Variants in IL15 observed in about 807,000 individuals in gnomAD.
IL15 encodes the protein interleukin-15.
In IL15, 11 loss-of-function variants were observed where a neutral mutation model predicts 19.6. The observed-to-expected ratio is 0.56, with a 90% CI of 0.35 to 0.93. The LOEUF (loss-of-function observed/expected upper bound fraction) is 0.93, where lower values mean the gene tolerates loss of function less well. IL15 is among the 40% of genes least tolerant of loss of function. The pLI is 0.01. For synonymous variants in IL15, 58 were observed against 59.6 expected (o/e 0.97, Z 0.12); for missense variants, 197 against 186.5 (o/e 1.06, Z -0.33).
At chr4:141,675,918 A>G (rs1424223730) in intron 2 of IL15, among the ~76,000 whole-genome samples, 1 of 152,200 alleles carries the variant, frequency 6.6e-6, no homozygotes, top group African/African-American at 2.4e-5. Flanking sequence ...GAGACAGCAT[A>G]CTAGTTTCCT....
intron 2 of IL15, among the ~76,000 whole-genome samples, chr4:141,702,621 C>G (rs1464063546): frequency 6.6e-6 from 1 of 152,206 alleles, no homozygotes; most frequent in Non-Finnish European, 1.5e-5. Flanking sequence ...GATCCCACAG[C>G]TGTTTTCTCC....
chr4:141,722,132 GATCTT>G, intron 5 of IL15, 124 bp downstream of exon 5: 1 of 1,231,578 alleles, frequency 8.1e-7, no homozygotes, highest in Non-Finnish European at 1.1e-6. Context: ...AGAAATTTAT[GATCTT>G]ATAAAGCTCA....
intron 1 of IL15, among the ~76,000 whole-genome samples, chr4:141,646,912 G>A (rs955763359): frequency 1.3e-5 from 2 of 151,964 alleles, no homozygotes; most frequent in Non-Finnish European, 2.9e-5. Context: ...ATTAGTGCTA[G>A]GCATATGGTA....
At chr4:141,706,760 G>A (rs1729530134) in intron 2 of IL15, among the ~76,000 whole-genome samples, 1 of 151,146 alleles carries the variant, frequency 6.6e-6, no homozygotes, top group Admixed American at 6.6e-5. Flanking sequence ...TTCTCTCCTA[G>A]TCTGCTGAAA....
At position 141,667,310 on chromosome 4, in the gene IL15, A is replaced by G. The variant is rs115717138; in HGVS notation, c.-100+11003A>G. 6.3e-3 allele frequency among the ~76,000 whole-genome samples: 967 copies of G among 152,310 alleles called. 4 individuals carry two copies. The highest frequency in any genetic ancestry group is 0.022 in the African/African-American group (895 of 41,560). ...AACTGATCGGTTAGAAGCCCAGGCA[A>G]AATAACCTGGGGCTTGTGGGAACTG... On this transcript the variant is annotated intron_variant, in intron 2 of 7. Transcript: ENST00000320650.
chr4:141,727,270 C>G (rs1560940365), intron 5 of IL15, among the ~76,000 whole-genome samples: 1 of 152,048 alleles, frequency 6.6e-6, no homozygotes, highest in African/African-American at 2.4e-5. Flanking sequence ...AATAGGGAAA[C>G]TGGGGTGGAG....
At chr4:141,674,610 A>G (rs1242008106) in intron 2 of IL15, among the ~76,000 whole-genome samples, 2 of 152,190 alleles carry the variant, frequency 1.3e-5, no homozygotes, top group African/African-American at 4.8e-5. Flanking sequence ...AAAGAAATAA[A>G]AAATCTCTGA....
chr4:141,656,138 T>C (rs1727586561), intron 1 of IL15, 48 bp from the exon 2 acceptor site: 1 of 397,826 alleles, frequency 2.5e-6, no homozygotes, highest in Non-Finnish European at 4.4e-6. Context: ...GGAGGATTAC[T>C]CAATACATAA....
chr4:141,683,393 A>T (rs958990216), intron 2 of IL15, among the ~76,000 whole-genome samples: 1 of 152,024 alleles, frequency 6.6e-6, no homozygotes, highest in African/African-American at 2.4e-5. Flanking sequence ...CAACACGGTG[A>T]AACCCTGTCT....
At chr4:141,705,442 G>A (rs1729480636) in intron 2 of IL15, among the ~76,000 whole-genome samples, 1 of 151,964 alleles carries the variant, frequency 6.6e-6, no homozygotes, top group Admixed American at 6.6e-5. Context: ...GGTTAGGAAA[G>A]ATACTTGATA....
At chr4:141,657,140 A>G (rs1578994371) in intron 2 of IL15, among the ~76,000 whole-genome samples, 1 of 152,200 alleles carries the variant, frequency 6.6e-6, no homozygotes, top group Admixed American at 6.5e-5. Flanking sequence ...TGTACTGAAT[A>G]CTGTAGGCAA....
chr4:141,643,462 C>G (rs906388120), intron 1 of IL15, among the ~76,000 whole-genome samples: 17 of 152,172 alleles, frequency 1.1e-4, no homozygotes, highest in Non-Finnish European at 2.2e-4. Flanking sequence ...ATACACTTGT[C>G]AAAGGTACCA....
chr4:141,710,486 T>C (rs1434437274), intron 2 of IL15, among the ~76,000 whole-genome samples: 1 of 152,178 alleles, frequency 6.6e-6, no homozygotes, highest in African/African-American at 2.4e-5. Context: ...TCATTTCTTA[T>C]AAACTCATTT....
chr4:141,722,127 T>C, intron 5 of IL15, 119 bp downstream of exon 5: 2 of 1,250,574 alleles, frequency 1.6e-6, no homozygotes, highest in East Asian at 2.6e-5. Context: ...TTTGTAGAAA[T>C]TTATGATCTT....
At chr4:141,693,443 T>C (rs1241949085) in intron 2 of IL15, among the ~76,000 whole-genome samples, 2 of 152,194 alleles carry the variant, frequency 1.3e-5, no homozygotes, top group African/African-American at 4.8e-5. Context: ...TTTGTAACCA[T>C]AGTGCCTGAC....
chr4:141,656,212 G>A lies in IL15; in HGVS notation c.-195G>A. The stretch of plus-strand genomic sequence containing the variant: ...ATCCATTCCAATATATGGCCATGTG[G>A]CTCTTTGGAGCAATGTTCCATCATG... On this transcript the variant is annotated 5_prime_UTR_variant, in exon 2 of 8. An upstream open reading frame in the 5' UTR gains an earlier in-frame stop. Coordinates refer to ENST00000320650, the MANE Select transcript of IL15 (RefSeq NM_000585.5). The A allele has an allele frequency of 2.5e-6, 1 of 398,274 alleles. No homozygotes were observed. The highest frequency in any genetic ancestry group is 3.6e-5 in the East Asian group (1 of 28,054). The allele number at this position is 398,274 out of a possible 1,614,324, so 24.7% of individuals were successfully genotyped here. A position where few individuals can be genotyped will look rare whatever the true frequency, so the allele number is the denominator to read the frequency against.
At chr4:141,693,146 G>A (rs1728978678) in intron 2 of IL15, among the ~76,000 whole-genome samples, 1 of 151,730 alleles carries the variant, frequency 6.6e-6, no homozygotes, top group African/African-American at 2.4e-5. Flanking sequence ...ATGGCAGAAG[G>A]CAAAGGGGAA....
At chr4:141,728,270 G>A (rs73851527) in intron 6 of IL15, among the ~76,000 whole-genome samples, 3,992 of 152,082 alleles carry the variant, frequency 0.026, 180 homozygotes, top group African/African-American at 0.091. Flanking sequence ...TTGCATCATG[G>A]TGCAATTAGA....
At chr4:141,641,973 G>A (rs1727060152) in intron 1 of IL15, among the ~76,000 whole-genome samples, 1 of 151,274 alleles carries the variant, frequency 6.6e-6, no homozygotes, top group African/African-American at 2.4e-5. Flanking sequence ...ATATCGCTAC[G>A]TTTTGTGGAG....
Sources: allele counts gnomAD v4.1 joint callset (sites outside exome capture counted in the v4.1 genomes callset), GRCh38; gene constraint gnomAD v4.1.1; transcripts MANE v1.5; gene names NCBI Gene and HGNC (gene_info 2026-07-23, HGNC 2026-07-21).